GPC5: variants seen among roughly 807,000 people sequenced by gnomAD.
GPC5 encodes glypican-5.
GPC5 carries 47 observed loss-of-function variants against 53.9 expected under a neutral mutation model. The ratio of observed to expected loss-of-function variants is 0.87; its 90% CI spans 0.69 to 1.11. The LOEUF (loss-of-function observed/expected upper bound fraction) is 1.11. Among genes scored for constraint, GPC5 ranks in the 50% most tolerant of loss-of-function variants. The probability of loss-of-function intolerance (pLI) is 0.00; values close to 1 mark genes in which losing one functional copy is unlikely to be tolerated. For synonymous variants in GPC5, 286 were observed against 263.3 expected (o/e 1.09, Z -0.84); for missense variants, 748 against 713.1 (o/e 1.05, Z -0.56).
intron 7 of GPC5, among the ~76,000 whole-genome samples, chr13:92,338,915 A>G (rs938087505): frequency 6.6e-6 from 1 of 152,156 alleles, no homozygotes; most frequent in Non-Finnish European, 1.5e-5. Context: ...ATGTCAATAT[A>G]GATTCATCAA....
chr13:91,728,348 T>C (rs1226780612), intron 3 of GPC5, among the ~76,000 whole-genome samples, 184 bp from the exon 4 acceptor site: 2 of 152,136 alleles, frequency 1.3e-5, no homozygotes, highest in Non-Finnish European at 2.9e-5. Context: ...ATAATTGCCG[T>C]ATTCAGATAA....
At chr13:92,663,603 T>C (rs1290612970) in intron 7 of GPC5, among the ~76,000 whole-genome samples, 4 of 132,708 alleles carry the variant, frequency 3.0e-5, no homozygotes, top group Non-Finnish European at 4.8e-5. Flanking sequence ...ATCTACTATA[T>C]ATATATATAT....
At chr13:91,781,393 G>C (rs2037796983) in intron 5 of GPC5, among the ~76,000 whole-genome samples, 1 of 152,182 alleles carries the variant, frequency 6.6e-6, no homozygotes, top group Admixed American at 6.5e-5. Context: ...TAGAAAAGAT[G>C]TACTGATTTA....
chr13:92,294,498 T>C (rs1186793933), intron 7 of GPC5, among the ~76,000 whole-genome samples: 2 of 152,240 alleles, frequency 1.3e-5, no homozygotes, highest in Non-Finnish European at 2.9e-5. Flanking sequence ...AATGTGTTCA[T>C]AGTAGCCTTG....
intron 7 of GPC5, among the ~76,000 whole-genome samples, chr13:92,557,792 C>T (rs1882550351): frequency 6.6e-6 from 1 of 151,878 alleles, no homozygotes; most frequent in Admixed American, 6.6e-5. Context: ...CACAGAGTCA[C>T]CCTCAATCAG....
At chr13:91,485,406 T>G (rs1240851288) in intron 2 of GPC5, among the ~76,000 whole-genome samples, 1 of 152,028 alleles carries the variant, frequency 6.6e-6, no homozygotes, top group African/African-American at 2.4e-5. Flanking sequence ...TAAGTAGAAA[T>G]GGGGTTTCAA....
chr13:92,516,368 T>C (rs1166637457), intron 7 of GPC5, among the ~76,000 whole-genome samples: 3 of 152,156 alleles, frequency 2.0e-5, no homozygotes, highest in Non-Finnish European at 2.9e-5. Flanking sequence ...TTTATACCTG[T>C]GAAGTTAAAT....
chr13:91,553,973 T>A (rs2030797457), intron 2 of GPC5, among the ~76,000 whole-genome samples: 1 of 152,072 alleles, frequency 6.6e-6, no homozygotes, highest in African/African-American at 2.4e-5. Context: ...TTTATTTAAA[T>A]GAAGTTTGGA....
chr13:91,452,410 C>T (rs77415174), intron 2 of GPC5, among the ~76,000 whole-genome samples: 5,381 of 152,192 alleles, frequency 0.035, 144 homozygotes, highest in Middle Eastern at 0.068. Flanking sequence ...AGTTGCTGTT[C>T]ATAAATAAGT....
intron 7 of GPC5, among the ~76,000 whole-genome samples, chr13:92,264,483 G>GCA (rs1304070851): frequency 1.3e-5 from 2 of 151,726 alleles, no homozygotes; most frequent in Non-Finnish European, 2.9e-5. Flanking sequence ...GTTGCAAGAA[G>GCA]CACACACACA....
rs551289816 is a variant in GPC5, at chr13:91,667,794, G to A, written c.326-25393G>A. On this transcript the variant is annotated intron_variant, in intron 2 of 7. Coordinates refer to ENST00000377067, the MANE Select transcript of GPC5 (RefSeq NM_004466.6). ...CCAGTGATTCATGTGGAGTTGAGTTGGTCCTGGTGTGGTCTAAATCTGTCC... is the reference window on the plus strand; with the variant it reads ...CCAGTGATTCATGTGGAGTTGAGTTAGTCCTGGTGTGGTCTAAATCTGTCC... 4.6e-5 allele frequency among the ~76,000 whole-genome samples: 7 copies of A among 152,228 alleles called. No individual in the cohort carries two copies. In the East Asian group the frequency reaches 7.7e-4, roughly 17 times the overall value.
chr13:91,439,306 A>T (rs1026089788), intron 1 of GPC5, among the ~76,000 whole-genome samples: 3 of 152,240 alleles, frequency 2.0e-5, no homozygotes, highest in African/African-American at 7.2e-5. Flanking sequence ...GCTGCTAAGC[A>T]TCTTGCTGGG....
intron 2 of GPC5, among the ~76,000 whole-genome samples, chr13:91,451,615 T>G (rs1290550641): frequency 2.1e-5 from 2 of 96,876 alleles, no homozygotes; most frequent in Non-Finnish European, 4.0e-5. Flanking sequence ...CTCTTCTGTT[T>G]GTTTGTTTTT....
At chr13:92,418,055 G>T (rs1263816240) in intron 7 of GPC5, among the ~76,000 whole-genome samples, 3 of 152,086 alleles carry the variant, frequency 2.0e-5, no homozygotes, top group Non-Finnish European at 4.4e-5. Flanking sequence ...AGACAGAAAA[G>T]GTCAAATATA....
intron 6 of GPC5, among the ~76,000 whole-genome samples, chr13:92,136,576 G>A (rs907684060): frequency 6.6e-6 from 1 of 152,126 alleles, no homozygotes; most frequent in African/African-American, 2.4e-5. Context: ...CATCTATGAT[G>A]ACTAATACTT....
chr13:92,571,793 C>T (rs1883031215), intron 7 of GPC5, among the ~76,000 whole-genome samples: 1 of 152,108 alleles, frequency 6.6e-6, no homozygotes, highest in East Asian at 1.9e-4. Flanking sequence ...AATCCCAGCA[C>T]TTTGGGAGGC....
chr13:92,823,718 T>C (rs540634307), intron 7 of GPC5, among the ~76,000 whole-genome samples: 1 of 152,172 alleles, frequency 6.6e-6, no homozygotes, highest in East Asian at 1.9e-4. Flanking sequence ...TAAACAGAAC[T>C]CAACACTGAA....
chr13:91,684,159 A>G (rs2139752848), intron 2 of GPC5, among the ~76,000 whole-genome samples: 1 of 151,990 alleles, frequency 6.6e-6, no homozygotes, highest in Middle Eastern at 3.4e-3. Flanking sequence ...TCTTATTCTA[A>G]TTCTTGTTGC....
chr13:92,862,050 G>A (rs994197685), intron 7 of GPC5, among the ~76,000 whole-genome samples: 3 of 152,270 alleles, frequency 2.0e-5, no homozygotes, highest in South Asian at 2.1e-4. Context: ...ATTTGACCTC[G>A]AGTTCAATGC....
Sources: allele counts gnomAD v4.1 joint callset (sites outside exome capture counted in the v4.1 genomes callset), GRCh38; gene constraint gnomAD v4.1.1; transcripts MANE v1.5; gene names NCBI Gene and HGNC (gene_info 2026-07-23, HGNC 2026-07-21).